Variants in NOL8 observed in about 807,000 individuals in gnomAD.
The protein encoded by NOL8 is nucleolar protein Nop132.
NOL8 carries 93 observed loss-of-function variants against 116.1 expected under a neutral mutation model. That is an observed-to-expected ratio of 0.80 (90% CI 0.68 to 0.95). The LOEUF is 0.95. NOL8 is among the 40% of genes least tolerant of loss of function. NOL8 has a pLI of 0.00. For missense variants in NOL8, 1,291 were observed against 1,382.8 expected, an observed-to-expected ratio of 0.93 and a Z score of 1.05; for synonymous variants, 419 against 469.0, an observed-to-expected ratio of 0.89 and a Z score of 1.38.
At chr9:92,314,227 C>A in intron 7 of NOL8, 40 bp downstream of exon 7, 1 of 1,504,982 alleles carries the variant, frequency 6.6e-7, no homozygotes, top group Non-Finnish European at 8.9e-7. Flanking sequence ...GCTGAACTTT[C>A]TGAGTTCTTG....
chr9:92,324,217 C>A lies in NOL8; in HGVS notation c.-48-8G>T. The A allele has an allele frequency of 6.4e-7, 1 of 1,553,468 alleles. No individual in the cohort carries two copies. Among genetic ancestry groups the A allele is most frequent in the Non-Finnish European group, 8.7e-7 (1 of 1,145,232 alleles). ...AGTGGGAAAAGTAATTTTCTGTATA[C>A]AGAGAAGAGTTCTTTCCCTTAGTTC... On this transcript the variant is annotated splice_region_variant and splice_polypyrimidine_tract_variant and intron_variant, in intron 1 of 16. Transcript: ENST00000442668.
At chr9:92,308,523 G>A (rs184145464) in intron 10 of NOL8, among the ~76,000 whole-genome samples, 41 of 152,302 alleles carry the variant, frequency 2.7e-4, no homozygotes, top group Middle Eastern at 3.4e-3. Context: ...TCCAACAGGC[G>A]TTTAAGACCA....
In NOL8 at chr9:92,315,442, T is replaced by A; in HGVS notation, c.1183A>T (p.Lys395Ter). Residue 395 changes from lysine (K) to a stop codon, truncating the protein, a stop_gained, in exon 7 of 17, where the codon AAA becomes TAA. Coordinates refer to ENST00000442668, the MANE Select transcript of NOL8 (RefSeq NM_017948.6). LOFTEE classifies it high-confidence loss of function. ...IAMKKNVAKV[K>*]NSTEFSQMEK... ...ATTTGTGAAAATTCTGTACTGTTTT[T>A]GACCTTAGCAACATTTTTTTTCATC... 1 of 1,593,960 alleles carries A rather than the reference T, an allele frequency of 6.3e-7. No homozygotes were observed. The highest frequency in any genetic ancestry group is 1.3e-5 in the African/African-American group (1 of 74,872).
In NOL8 at chr9:92,318,680, C is replaced by G. The variant is rs1839646078; in HGVS notation, c.424G>C (p.Val142Leu). 3 of 1,584,020 alleles carry G rather than the reference C, an allele frequency of 1.9e-6. No homozygotes were observed. Among genetic ancestry groups the G allele is most frequent in the East Asian group, 4.5e-5 (2 of 44,356 alleles). The change falls in exon 6 of 17, where the codon GTT (valine) becomes CTT (leucine). Residue 142 changes from valine to leucine, a missense_variant. Coordinates refer to ENST00000442668, the MANE Select transcript of NOL8 (RefSeq NM_017948.6). ...AAGACTCTTCCAAATTTGCTCACAACCCAATTCTAAAAGAAAAAAAAAGAA... is the reference window on the plus strand; with the variant it reads ...AAGACTCTTCCAAATTTGCTCACAAGCCAATTCTAAAAGAAAAAAAAAGAA... ...GTEVPGHKNW[V>L]VSKFGRVLPV... is the part of the protein sequence containing the mutation.
intron 4 of NOL8, 82 bp from the exon 5 acceptor site, chr9:92,319,438 A>G (rs1839732909): frequency 7.2e-7 from 1 of 1,389,864 alleles, no homozygotes; most frequent in Non-Finnish European, 9.4e-7. Context: ...GTGTGCCTAA[A>G]TGAGCACTAT....
Position 92,319,214 on chromosome 9 carries a change from G to A in NOL8, c.417+7C>T, listed in dbSNP as rs777654942. 6.5e-7 allele frequency: 1 copy of A among 1,542,384 alleles called. No individual in the cohort carries two copies. The highest frequency in any genetic ancestry group is 8.7e-7 in the Non-Finnish European group (1 of 1,153,008). ...TGTAATTGGCTCAGGCTACAGAGGA[G>A]ACTCACCTTATGCCCTGGCACTTCT... On this transcript the variant is annotated splice_region_variant and intron_variant, in intron 5 of 16. Transcript: ENST00000442668.
chr9:92,324,811 G>A (rs1242417492), intron 1 of NOL8: 1 of 152,200 alleles, frequency 6.6e-6, no homozygotes, highest in African/African-American at 2.4e-5. Context: ...ACAGACTTGT[G>A]TTTTTGCTAT....
At chr9:92,313,159 T>G (rs1244450394) in intron 7 of NOL8, among the ~76,000 whole-genome samples, 1 of 152,080 alleles carries the variant, frequency 6.6e-6, no homozygotes, top group African/African-American at 2.4e-5. Context: ...TCTATCCCTA[T>G]CCAGTTATCA....
chr9:92,303,592 C>T (rs939847573), intron 12 of NOL8, among the ~76,000 whole-genome samples: 4 of 152,034 alleles, frequency 2.6e-5, no homozygotes, highest in South Asian at 2.1e-4. Context: ...TTATAGACCT[C>T]GGTCTAAAAA....
intron 12 of NOL8, among the ~76,000 whole-genome samples, chr9:92,302,512 A>T (rs982490260): frequency 2.6e-5 from 4 of 152,232 alleles, no homozygotes; most frequent in African/African-American, 9.6e-5. Flanking sequence ...AGTGGTAGAG[A>T]CCATATCAAA....
chr9:92,306,156 G>T (rs1338154001), intron 11 of NOL8, among the ~76,000 whole-genome samples: 1 of 152,008 alleles, frequency 6.6e-6, no homozygotes, highest in African/African-American at 2.4e-5. Context: ...ACCATGCCCG[G>T]CTAATTTTTA....
intron 10 of NOL8, among the ~76,000 whole-genome samples, chr9:92,308,068 A>G (rs1041618075): frequency 6.6e-6 from 1 of 152,160 alleles, no homozygotes; most frequent in Non-Finnish European, 1.5e-5. Flanking sequence ...TGTGCTGCTT[A>G]CTTGAGACAA....
chr9:92,313,932 G>A (rs1402182836), intron 7 of NOL8, among the ~76,000 whole-genome samples: 1 of 152,124 alleles, frequency 6.6e-6, no homozygotes, highest in African/African-American at 2.4e-5. Context: ...TACTATAAAG[G>A]TGTACTTAAC....
At position 92,323,385 on chromosome 9, in the gene NOL8, A is replaced by C. The variant is rs1277144720; in HGVS notation, c.202+56T>G. The C allele has an allele frequency of 5.8e-6, 9 of 1,547,522 alleles. No homozygotes were observed. The South Asian group carries it at 1.1e-4, about 18-fold the overall frequency. ...GTTTAGATTTAGAACCAGTTATTCCAAGTTACAGAGTCATACAAACTGGCA... is the reference window on the plus strand; with the variant it reads ...GTTTAGATTTAGAACCAGTTATTCCCAGTTACAGAGTCATACAAACTGGCA... On this transcript the variant is annotated intron_variant, in intron 3 of 16. Transcript: ENST00000442668.
intron 10 of NOL8, among the ~76,000 whole-genome samples, chr9:92,307,269 G>A (rs1838355129): frequency 6.6e-6 from 1 of 152,140 alleles, no homozygotes; most frequent in African/African-American, 2.4e-5. Context: ...TGAATTTAAT[G>A]GCTTTCAGTA....
In NOL8 at chr9:92,301,628, G is replaced by T; in HGVS notation, c.3098C>A (p.Ala1033Asp). 1 of 1,606,154 alleles carries T rather than the reference G, an allele frequency of 6.2e-7. No individual in the cohort carries two copies. The highest frequency in any genetic ancestry group is 8.5e-7 in the Non-Finnish European group (1 of 1,177,808). ...EKPEEIQDPA[A>D]LTSDAEQPSG... The stretch of plus-strand genomic sequence containing the variant: ...GGGCTGCTCAGCGTCACTGGTCAGA[G>T]CTGCAGGGTCCTGGATTTCCTCAGG... The change falls in exon 13 of 17, where the codon GCT becomes GAT. Residue 1033 changes from alanine to aspartate, a missense_variant. Transcript: ENST00000442668.
chr9:92,297,950 A>G (rs1230070630), intron 16 of NOL8, 64 bp from the exon 17 acceptor site: 5 of 1,352,026 alleles, frequency 3.7e-6, no homozygotes, highest in Admixed American at 2.3e-5. Context: ...CAGTAGATAG[A>G]AGTAAAACAG....
intron 4 of NOL8, among the ~76,000 whole-genome samples, chr9:92,320,609 C>CT (rs1017650721): frequency 1.2e-4 from 17 of 147,256 alleles, no homozygotes; most frequent in Non-Finnish European, 2.3e-4. Context: ...TTTTTTTTTC[C>CT]TTTTTTTTTG....
Position 92,301,820 on chromosome 9 carries a change from T to G in NOL8, c.2906A>C (p.Lys969Thr), listed in dbSNP as rs372160290. The G allele has an allele frequency of 8.9e-6, 14 of 1,580,008 alleles. No homozygotes were observed. In the African/African-American group the frequency reaches 1.9e-4, roughly 21 times the overall value. The change falls in exon 13 of 17, where the codon AAA becomes ACA. Residue 969 changes from lysine (K) to threonine (T), a missense_variant and splice_region_variant. Physicochemically the swap from Lys to Thr is moderately conservative, Grantham distance 78. Transcript: ENST00000442668. ...RKRDDKPKES[K>T]AKRKKKREEA... Reference sequence around the variant, plus strand: ...CTCCCTTTTCTTTTTTCGTTTTGCTTTACTGAAATGACATATGTAGACATG... The same window carrying G: ...CTCCCTTTTCTTTTTTCGTTTTGCTGTACTGAAATGACATATGTAGACATG...
Sources: allele counts gnomAD v4.1 joint callset (sites outside exome capture counted in the v4.1 genomes callset), GRCh38; gene constraint gnomAD v4.1.1; transcripts MANE v1.5; gene names NCBI Gene and HGNC (gene_info 2026-07-23, HGNC 2026-07-21).